The following TASOR2 variants were observed in gnomAD, a reference collection of about 807,000 sequenced individuals.
TASOR2 encodes transcription activation suppressor family member 2.
Under a neutral mutation model 199.5 loss-of-function variants are expected in TASOR2, and 84 were observed. The ratio of observed to expected loss-of-function variants is 0.42; its 90% CI spans 0.35 to 0.50. TASOR2 has a LOEUF of 0.50. Ranked by LOEUF, TASOR2 falls within the 20% of genes least tolerant of loss-of-function variation. The pLI, the probability that TASOR2 is intolerant of heterozygous loss-of-function variation, is 0.02. For missense variants in TASOR2, 2,796 were observed against 2,835.9 expected, an observed-to-expected ratio of 0.99 and a Z score of 0.32; for synonymous variants, 1,103 against 1,046.6, an observed-to-expected ratio of 1.05 and a Z score of -1.04.
At chr10:5,712,441 G>A in intron 1 of TASOR2, 1 of 1,231,656 alleles carries the variant, frequency 8.1e-7, no homozygotes, top group Non-Finnish European at 1.0e-6. Flanking sequence ...CCAGAGGGCA[G>A]TTTCACTCCT....
intron 10 of TASOR2, 114 bp downstream of exon 11, chr10:5,727,237 CTCTTT>C (rs759033415): frequency 4.6e-6 from 5 of 1,078,434 alleles, no homozygotes; most frequent in Non-Finnish European, 6.9e-6. Flanking sequence ...TCTTAAATAC[CTCTTT>C]TCTTAACATC....
At chr10:5,745,280 A>G (rs1266586936) in intron 14 of TASOR2, among the ~76,000 whole-genome samples, 8 of 39,402 alleles carry the variant, frequency 2.0e-4, no homozygotes, top group Admixed American at 2.9e-4. Context: ...GCCATGTACA[A>G]TAGGTATTCA....
chr10:5,709,757 A>C, intron 1 of TASOR2: 1 of 1,082,114 alleles, frequency 9.2e-7, no homozygotes, highest in Non-Finnish European at 1.2e-6. Context: ...CATGTAAAAC[A>C]AAAAGACTTT....
chr10:5,739,556 T>C, intron 12 of TASOR2, 62 bp from the exon 14 acceptor site: 2 of 1,451,742 alleles, frequency 1.4e-6, no homozygotes, highest in Non-Finnish European at 9.3e-7. Flanking sequence ...CATAGTAATA[T>C]GGCAGAGAGT....
rs1300418596 is a variant in TASOR2, at chr10:5,719,651, TTTC to T, written c.-99-890_-99-888del. On this transcript the variant is annotated intron_variant, in intron 3 of 20. Transcript: ENST00000328090. The surrounding 1 kb of genome is among the most constrained non-coding windows in gnomAD (Gnocchi z 4.1). ...GCCACTGTGCCCAGCTGCTTGCTTT[TTTC>T]TTTTTTTTTGGAGAGACATGTAACC... Among the ~76,000 whole-genome samples the T allele has an allele frequency of 3.3e-5, 5 of 152,086 alleles. No homozygotes were observed. The South Asian group carries it at 1.0e-3, about 32-fold the overall frequency.
In TASOR2 at chr10:5,720,825, G is replaced by A; in HGVS notation, c.47-46G>A. ...TAGGTTTTTTTTTTCTTGAGTAAAT[G>A]TTTCATCATAAATAATCAGTTTCTT... On this transcript the variant is annotated intron_variant, in intron 5 of 20. Coordinates refer to ENST00000328090, the Ensembl canonical transcript of TASOR2. This position sits in a 1 kb window ranked among gnomAD's most constrained non-coding sequence, Gnocchi z 5.3. The A allele has an allele frequency of 1.9e-6, 3 of 1,592,740 alleles. No individual in the cohort carries two copies. The highest frequency in any genetic ancestry group is 2.6e-6 in the Non-Finnish European group (3 of 1,173,112).
At chr10:5,763,335 G>A in exon 21 of TASOR2, 1 of 289,640 alleles carries the variant, frequency 3.5e-6, no homozygotes, top group Non-Finnish European at 6.3e-6. Flanking sequence ...CTTAGTTGGA[G>A]CAAAAATAAG....
intron 16 of TASOR2, among the ~76,000 whole-genome samples, chr10:5,757,150 T>A (rs1402463362): frequency 6.6e-6 from 1 of 152,242 alleles, no homozygotes; most frequent in Admixed American, 6.5e-5. Flanking sequence ...AAACCTGCCG[T>A]CATCAGCAGG....
At chr10:5,762,309 A>G (rs1383083580) in intron 19 of TASOR2, among the ~76,000 whole-genome samples, 4 of 151,082 alleles carry the variant, frequency 2.6e-5, no homozygotes, top group East Asian at 3.9e-4. Context: ...CATAGTTATC[A>G]TTTTTCAGGG....
In TASOR2 at chr10:5,690,497, C is replaced by G. The variant is rs1019117113; in HGVS notation, c.-288+5322C>G. Among the ~76,000 whole-genome samples, 1 of 152,196 alleles carries G rather than the reference C, an allele frequency of 6.6e-6. No individual in the cohort carries two copies. Among genetic ancestry groups the G allele is most frequent in the African/African-American group, 2.4e-5 (1 of 41,444 alleles). The stretch of plus-strand genomic sequence containing the variant: ...CACCTACTTTACCCTTGTGCATATC[C>G]CCTATTTATCTGTGCCCAGGACATT... On this transcript the variant is annotated intron_variant, in intron 1 of 20. Coordinates refer to ENST00000328090, the Ensembl canonical transcript of TASOR2. The surrounding 1 kb of genome is among the most constrained non-coding windows in gnomAD (Gnocchi z 4.8).
At chr10:5,724,455 T>G (rs780566495) in exon 8 of TASOR2, 1 of 1,545,800 alleles carries the variant, frequency 6.5e-7, no homozygotes, top group Admixed American at 2.0e-5. Context: ...TGTGCTTCAA[T>G]TTGTATGAGG....
At chr10:5,736,848 C>T (rs1231985319) in intron 12 of TASOR2, among the ~76,000 whole-genome samples, 3 of 152,020 alleles carry the variant, frequency 2.0e-5, no homozygotes, top group Non-Finnish European at 4.4e-5. Context: ...TCTCTCCTAT[C>T]TTTCTATGAG....
At chr10:5,713,023 T>G in intron 2 of TASOR2, 105 bp downstream of exon 2, 1 of 553,088 alleles carries the variant, frequency 1.8e-6, no homozygotes, top group Non-Finnish European at 2.7e-6. Context: ...CAGTGTTTTT[T>G]GTTGCTTAGT....
chr10:5,686,050 T>C (rs1835775537), intron 1 of TASOR2, among the ~76,000 whole-genome samples: 1 of 152,144 alleles, frequency 6.6e-6, no homozygotes, highest in Admixed American at 6.6e-5. Flanking sequence ...CAAAGCAGTG[T>C]CCCCTAACGG....
chr10:5,763,211 G>A (rs1840153990), exon 21 of TASOR2: 1 of 557,882 alleles, frequency 1.8e-6, no homozygotes, highest in Non-Finnish European at 3.1e-6. Flanking sequence ...CAGTGGCATT[G>A]CAGTTGTCTG....
In TASOR2 at chr10:5,740,127, G is replaced by A. The variant is rs769948448; in HGVS notation, c.1957G>A (p.Glu653Lys). 6.2e-7 allele frequency: 1 copy of A among 1,614,094 alleles called. No homozygotes were observed. The highest frequency in any genetic ancestry group is 1.1e-5 in the South Asian group (1 of 91,052). The change falls in exon 13 of 21, where the codon GAA becomes AAA. Residue 653 changes from glutamate to lysine, a missense_variant. Physicochemically the swap from Glu to Lys is moderately conservative, Grantham distance 56 (BLOSUM62 1). Transcript: ENST00000328090. This position sits in a 1 kb window ranked among gnomAD's most constrained non-coding sequence, Gnocchi z 5.3. ...AAGCCAAAGCTCTTCTGTTTCTGTG[G>A]AACATTCATATGCCCTGCTCCTTAC...
At chr10:5,729,018 C>G (rs932549236) in intron 10 of TASOR2, among the ~76,000 whole-genome samples, 2 of 151,882 alleles carry the variant, frequency 1.3e-5, no homozygotes, top group Non-Finnish European at 2.9e-5. Context: ...ATGATATGAA[C>G]TTGCTAACTT....
exon 16 of TASOR2, chr10:5,756,622 A>C: frequency 6.2e-7 from 1 of 1,613,288 alleles, no homozygotes; most frequent in Non-Finnish European, 8.5e-7. Flanking sequence ...GAACCTTCTG[A>C]GGAAAGGAGG....
Position 5,738,010 on chromosome 10 carries a change from C to T in TASOR2, c.1448-1608C>T, listed in dbSNP as rs964450136. ...TTTTTTCTTAAGCACCTATGTTAAT[C>T]ATTTTACTTCTTATACTTAAAATAT... On this transcript the variant is annotated intron_variant, in intron 12 of 20. Transcript: ENST00000328090. This position sits in a 1 kb window ranked among gnomAD's most constrained non-coding sequence, Gnocchi z 4.7. Among the ~76,000 whole-genome samples the T allele has an allele frequency of 7.9e-5, 12 of 152,300 alleles. No homozygotes were observed. The highest frequency in any genetic ancestry group is 2.9e-4 in the African/African-American group (12 of 41,566).
Sources: allele counts gnomAD v4.1 joint callset (sites outside exome capture counted in the v4.1 genomes callset), GRCh38; gene constraint gnomAD v4.1.1; non-coding constraint Gnocchi (gnomAD v3.1); transcripts MANE v1.5; gene names NCBI Gene and HGNC (gene_info 2026-07-23, HGNC 2026-07-21).